The following DLG2 variants were observed in gnomAD, a reference collection of about 807,000 sequenced individuals.
The protein encoded by DLG2 is discs large MAGUK scaffold protein 2.
A neutral mutation model predicts 132.5 loss-of-function variants in DLG2; 45 were observed. That is an observed-to-expected ratio of 0.34 (90% confidence interval 0.27 to 0.44). The LOEUF (loss-of-function observed/expected upper bound fraction) is 0.44, where lower values mean the gene tolerates loss of function less well. Ranked by LOEUF, DLG2 falls within the 20% of genes least tolerant of loss-of-function variation. The probability of loss-of-function intolerance (pLI) is 1.00; values close to 1 mark genes in which losing one functional copy is unlikely to be tolerated. For missense variants in DLG2, 1,045 were observed against 1,196.9 expected (o/e 0.87, Z 1.87); for synonymous variants, 424 against 419.6 (o/e 1.01, Z -0.13).
chr11:84,536,268 A>G (rs1409229971), intron 6 of DLG2, among the ~76,000 whole-genome samples: 1 of 152,178 alleles, frequency 6.6e-6, no homozygotes, highest in Non-Finnish European at 1.5e-5. Context: ...GGTACTTGTC[A>G]AGAGTCACCT....
intron 3 of DLG2, among the ~76,000 whole-genome samples, chr11:85,505,933 C>T (rs1465678645): frequency 6.6e-6 from 1 of 152,118 alleles, no homozygotes; most frequent in East Asian, 1.9e-4. Context: ...TAACTTCTTC[C>T]TGGTTTAGTC....
intron 3 of DLG2, among the ~76,000 whole-genome samples, chr11:85,565,949 A>G (rs906101379): frequency 5.9e-5 from 9 of 152,162 alleles, no homozygotes; most frequent in African/African-American, 2.2e-4. Flanking sequence ...CACAGCAGCT[A>G]CATTTTACAT....
intron 3 of DLG2, among the ~76,000 whole-genome samples, chr11:85,413,973 G>A (rs1279979012): frequency 6.6e-6 from 1 of 151,954 alleles, no homozygotes; most frequent in Non-Finnish European, 1.5e-5. Context: ...CATTGAATTT[G>A]TAGATTGCTT....
At chr11:85,297,582 C>G (rs2079314704) in intron 3 of DLG2, among the ~76,000 whole-genome samples, 1 of 152,184 alleles carries the variant, frequency 6.6e-6, no homozygotes, top group African/African-American at 2.4e-5. Context: ...TGAGCTTCTT[C>G]TCGTATTTTC....
At chr11:83,931,796 C>T (rs1346173425) in intron 14 of DLG2, among the ~76,000 whole-genome samples, 1 of 152,020 alleles carries the variant, frequency 6.6e-6, no homozygotes. Flanking sequence ...GGCTTTAATA[C>T]CTCGGATTTT....
At chr11:85,551,491 A>G (rs533024132) in intron 3 of DLG2, among the ~76,000 whole-genome samples, 2 of 152,158 alleles carry the variant, frequency 1.3e-5, no homozygotes, top group Non-Finnish European at 2.9e-5. Context: ...CCATATAAAT[A>G]CATACTAACA....
chr11:85,376,533 G>A (rs2085418812), intron 3 of DLG2, among the ~76,000 whole-genome samples: 2 of 152,146 alleles, frequency 1.3e-5, no homozygotes, highest in African/African-American at 4.8e-5. Context: ...GGGCAAGAGA[G>A]CAGATGTTCT....
chr11:83,608,034 A>G (rs2059591631), intron 19 of DLG2, among the ~76,000 whole-genome samples: 1 of 152,228 alleles, frequency 6.6e-6, no homozygotes, highest in Non-Finnish European at 1.5e-5. Flanking sequence ...AAAGTTCTGT[A>G]TCTTGACCTG....
At chr11:84,002,517 G>C (rs991595930) in intron 11 of DLG2, among the ~76,000 whole-genome samples, 2 of 152,124 alleles carry the variant, frequency 1.3e-5, no homozygotes, top group East Asian at 1.9e-4. Flanking sequence ...TTCAGTTCTT[G>C]ACATCTGTGT....
intron 6 of DLG2, among the ~76,000 whole-genome samples, chr11:84,792,246 A>G (rs1056844610): frequency 2.0e-5 from 3 of 152,152 alleles, no homozygotes; most frequent in East Asian, 1.9e-4. Flanking sequence ...ATTGATTTGT[A>G]TATGTTGAAA....
At chr11:84,187,320 T>C (rs550539383) in intron 8 of DLG2, among the ~76,000 whole-genome samples, 9 of 152,000 alleles carry the variant, frequency 5.9e-5, no homozygotes, top group South Asian at 4.1e-4. Context: ...GTAAATAAAA[T>C]GTGGTTTCTA....
At chr11:84,090,966 G>A (rs1278037103) in intron 10 of DLG2, among the ~76,000 whole-genome samples, 3 of 152,090 alleles carry the variant, frequency 2.0e-5, no homozygotes, top group Admixed American at 6.6e-5. Context: ...GTTAAGCGAA[G>A]TTAAACAAAA....
chr11:83,503,388 T>TAG (rs2094536865), intron 21 of DLG2, among the ~76,000 whole-genome samples: 1 of 40,680 alleles, frequency 2.5e-5, no homozygotes, highest in East Asian at 8.2e-4. Flanking sequence ...TATATATATA[T>TAG]ATATATATAT....
chr11:84,037,105 G>A (rs10792711), intron 11 of DLG2, among the ~76,000 whole-genome samples: 98,280 of 151,988 alleles, frequency 0.65, 34,077 homozygotes, highest in Non-Finnish European at 0.78. Flanking sequence ...GCAGCGAGGA[G>A]ATCCATGTAA....
intron 6 of DLG2, among the ~76,000 whole-genome samples, chr11:84,844,826 A>G (rs192330449): frequency 1.3e-5 from 2 of 152,288 alleles, no homozygotes; most frequent in Non-Finnish European, 1.5e-5. Context: ...TTTGCATTGC[A>G]TATGTTTAAA....
At chr11:84,021,463 C>G (rs528606590) in intron 11 of DLG2, among the ~76,000 whole-genome samples, 30 of 152,122 alleles carry the variant, frequency 2.0e-4, no homozygotes, top group Non-Finnish European at 4.0e-4. Context: ...TGCAGTAGTT[C>G]TCAAGAGAAG....
chr11:85,377,368 T>A (rs1410134475), intron 3 of DLG2, among the ~76,000 whole-genome samples: 2 of 152,036 alleles, frequency 1.3e-5, no homozygotes, highest in African/African-American at 4.8e-5. Context: ...TATGAAAGCT[T>A]GAGTTTCCTC....
chr11:83,828,075 C>A (rs2053407079), intron 17 of DLG2, among the ~76,000 whole-genome samples: 1 of 152,044 alleles, frequency 6.6e-6, no homozygotes, highest in Non-Finnish European at 1.5e-5. Context: ...GGAAAAAAAT[C>A]CCTATAATGG....
chr11:83,467,747 T>C (rs2091296269), intron 25 of DLG2, among the ~76,000 whole-genome samples: 1 of 125,944 alleles, frequency 7.9e-6, no homozygotes, highest in African/African-American at 3.0e-5. Context: ...TGAAATGCCA[T>C]CTCAAAAAAA....
Sources: allele counts gnomAD v4.1 joint callset (sites outside exome capture counted in the v4.1 genomes callset), GRCh38; gene constraint gnomAD v4.1.1; transcripts MANE v1.5; gene names NCBI Gene and HGNC (gene_info 2026-07-23, HGNC 2026-07-21).